Variants in THBS2 observed in about 807,000 individuals in gnomAD.
The protein encoded by THBS2 is thrombospondin 2.
In THBS2, 47 loss-of-function variants were observed where a neutral mutation model predicts 135.2. The observed-to-expected ratio is 0.35, with a 90% confidence interval of 0.28 to 0.44. The LOEUF is 0.44. THBS2 is among the 20% of genes least tolerant of loss of function. The pLI is 1.00. For missense variants in THBS2, 1,288 were observed against 1,603.1 expected, an observed-to-expected ratio of 0.80 and a Z score of 3.36; for synonymous variants, 639 against 633.8, an observed-to-expected ratio of 1.01 and a Z score of -0.12.
At chr6:169,239,065 C>A in intron 7 of THBS2, among the ~76,000 whole-genome samples, 1 of 152,310 alleles carries the variant, frequency 6.6e-6, no homozygotes, top group South Asian at 2.1e-4. Flanking sequence ...TGAACGTGCA[C>A]TGAGTTTCCA....
Position 169,250,810 on chromosome 6 carries a change from G to A in THBS2, c.-22-4C>T. ...CCTGCCTCCTGCAGCTGAGCTCCTGGGAATACAGGAAACCCTTGTTAGTGA... is the reference window on the plus strand; with the variant it reads ...CCTGCCTCCTGCAGCTGAGCTCCTGAGAATACAGGAAACCCTTGTTAGTGA... On this transcript the variant is annotated splice_polypyrimidine_tract_variant and splice_region_variant and intron_variant, in intron 1 of 21. Transcript: ENST00000617924. The A allele has an allele frequency of 6.2e-7, 1 of 1,608,562 alleles. No individual in the cohort carries two copies. The highest frequency in any genetic ancestry group is 8.5e-7 in the Non-Finnish European group (1 of 1,177,026).
rs1413231703 is a variant in THBS2, at chr6:169,239,582, C to T, written c.1129+17G>A. On this transcript the variant is annotated intron_variant, in intron 7 of 21. Transcript: ENST00000617924. Reference sequence around the variant, plus strand: ...TCCTAAAAATGCAGGATGCGCTTGCCGGCTGGCGATACTCACAGTGGAGGC... The same window carrying T: ...TCCTAAAAATGCAGGATGCGCTTGCTGGCTGGCGATACTCACAGTGGAGGC... 5.7e-6 allele frequency: 9 copies of T among 1,582,212 alleles called. No homozygotes were observed. The highest frequency in any genetic ancestry group is 2.7e-5 in the African/African-American group (2 of 74,496).
chr6:169,218,646 GGGTGAA>G, intron 21 of THBS2, among the ~76,000 whole-genome samples: 2 of 96,142 alleles, frequency 2.1e-5, no homozygotes, highest in African/African-American at 7.6e-5. Context: ...ATGGATGGTT[GGGTGAA>G]TGGATGAGAT....
At chr6:169,242,953 C>T (rs1366785153) in intron 4 of THBS2, among the ~76,000 whole-genome samples, 1 of 137,062 alleles carries the variant, frequency 7.3e-6, no homozygotes, top group Non-Finnish European at 1.6e-5. Flanking sequence ...CCCACCTTCC[C>T]ACCTTCCCAC....
intron 4 of THBS2, among the ~76,000 whole-genome samples, chr6:169,244,313 A>AACACACAC (rs35075375): frequency 0.016 from 2,315 of 147,288 alleles, 36 homozygotes; most frequent in African/African-American, 0.042. Flanking sequence ...GTATGCTGGT[A>AACACACAC]ACACACACAC....
rs1330362697 is a variant in THBS2 at position 169,236,055 on chromosome 6, A to C, written c.1477+1115T>G. On this transcript the variant is annotated intron_variant, in intron 9 of 21. Transcript: ENST00000617924. ...CCACACTCCCTCCCCATCCACACTC[A>C]CTCCCCATCCACACTCACCATCCAC... is the stretch of plus-strand genomic sequence containing the variant. Among the ~76,000 whole-genome samples, 26 of 48,482 alleles carry C rather than the reference A, an allele frequency of 5.4e-4. 1 individual carries two copies. Among genetic ancestry groups the C allele is most frequent in the African/African-American group, 7.7e-4 (8 of 10,334 alleles). 31.8% of individuals were successfully genotyped at this position (48,482 alleles called of 152,430 possible). A position where few individuals can be genotyped will look rare whatever the true frequency, so the allele number is the denominator to read the frequency against.
chr6:169,222,492 C>T lies in THBS2; in HGVS notation c.3002-24G>A, dbSNP rs778989558. On this transcript the variant is annotated intron_variant, in intron 18 of 21. Coordinates refer to ENST00000617924, the MANE Select transcript of THBS2 (RefSeq NM_003247.5). ...ACCTGGATGCAACGCCATAAGGTTTCGTTAGAAACACCTTTCAGGTGGCCG... is the reference window on the plus strand; with the variant it reads ...ACCTGGATGCAACGCCATAAGGTTTTGTTAGAAACACCTTTCAGGTGGCCG... 24 of 1,602,346 alleles carry T rather than the reference C, an allele frequency of 1.5e-5. No individual in the cohort carries two copies. In the East Asian group the frequency reaches 4.0e-4, roughly 27 times the overall value.
Position 169,232,663 on chromosome 6 carries a change from C to A in THBS2, c.1932+1G>T. The A allele has an allele frequency of 6.3e-7, 1 of 1,598,142 alleles. No homozygotes were observed. Among genetic ancestry groups the A allele is most frequent in the South Asian group, 1.1e-5 (1 of 88,968 alleles). On this transcript the variant is annotated splice_donor_variant, in intron 12 of 21. Coordinates refer to ENST00000617924, the MANE Select transcript of THBS2 (RefSeq NM_003247.5). LOFTEE classifies it high-confidence loss of function. ...ACACAAGGAAGGCCGGCCTTGCGTA[C>A]TTGCTTTTCCGTCTTGGCTGCTTCC...
chr6:169,235,330 C>T (rs963760902), intron 9 of THBS2, among the ~76,000 whole-genome samples: 3 of 152,014 alleles, frequency 2.0e-5, no homozygotes, highest in African/African-American at 7.3e-5. Context: ...CCCCACACCA[C>T]CATTTACACC....
chr6:169,242,816 A>C (rs367600230), intron 4 of THBS2, among the ~76,000 whole-genome samples: 77 of 14,504 alleles, frequency 5.3e-3, no homozygotes, highest in Admixed American at 7.3e-3. Context: ...CCTTCCCACC[A>C]CTCCCACCTT....
intron 7 of THBS2, among the ~76,000 whole-genome samples, chr6:169,238,885 A>G (rs1780197397): frequency 6.6e-6 from 1 of 152,128 alleles, no homozygotes; most frequent in South Asian, 2.1e-4. Context: ...GTGCAGCAGC[A>G]ACTTGGGGTG....
At chr6:169,240,045 G>C (rs1383702152) in intron 6 of THBS2, among the ~76,000 whole-genome samples, 1 of 152,210 alleles carries the variant, frequency 6.6e-6, no homozygotes, top group African/African-American at 2.4e-5. Flanking sequence ...AGCAGAAATA[G>C]AGTAACATTA....
rs1031346834 is a variant in THBS2 at position 169,237,207 on chromosome 6, G to A, written c.1440C>T (p.Gly480=). 1.2e-6 allele frequency: 2 copies of A among 1,611,850 alleles called. No individual in the cohort carries two copies. Among genetic ancestry groups the A allele is most frequent in the Admixed American group, 3.3e-5 (2 of 60,022 alleles). The change falls in exon 9 of 22, where the codon GGC becomes GGT. Residue 480 remains glycine (G), a synonymous_variant. Transcript: ENST00000617924. ...QMGGKNCKGS[G]RETKACQGAP... The stretch of plus-strand genomic sequence containing the variant: ...CGCCCTGGCAGGCTTTGGTCTCCCG[G>A]CCACTCCCTTTGCAATTCTTGCCCC...
chr6:169,248,999 G>A (rs775438414), intron 2 of THBS2, 26 bp from the exon 3 acceptor site: 1 of 1,570,078 alleles, frequency 6.4e-7, no homozygotes, highest in South Asian at 1.2e-5. Flanking sequence ...CAGTGGAGAA[G>A]GGTGACGTAG....
chr6:169,218,500 G>A (rs1311082861), intron 21 of THBS2, among the ~76,000 whole-genome samples: 9 of 146,978 alleles, frequency 6.1e-5, no homozygotes, highest in Non-Finnish European at 9.0e-5. Flanking sequence ...ATGGATGGGT[G>A]GATGGATGGA....
At chr6:169,245,997 C>A in intron 4 of THBS2, 200 bp downstream of exon 4, 2 of 428,134 alleles carry the variant, frequency 4.7e-6, no homozygotes, top group Non-Finnish European at 8.4e-6. Flanking sequence ...ACTGTTTAAT[C>A]AATTTATTAT....
rs1779163266 is a variant in THBS2, at chr6:169,216,148, G to A, written c.*1674C>T. On this transcript the variant is annotated 3_prime_UTR_variant, in exon 22 of 22. Coordinates refer to ENST00000617924, the MANE Select transcript of THBS2 (RefSeq NM_003247.5). ...GGAATACAGCTCCACACGCAAAAAA[G>A]TAAAAAGTGCAGCAAAACAACAACA... 6.8e-6 allele frequency: 1 copy of A among 147,860 alleles called. No individual in the cohort carries two copies. Among genetic ancestry groups the A allele is most frequent in the Non-Finnish European group, 1.5e-5 (1 of 66,820 alleles). The allele number at this position is 147,860 out of a possible 1,614,324, so 9.2% of individuals were successfully genotyped here.
intron 1 of THBS2, 67 bp from the exon 2 acceptor site, chr6:169,250,873 G>A (rs537962491): frequency 2.9e-5 from 32 of 1,108,646 alleles, no homozygotes; most frequent in African/African-American, 9.3e-5. Context: ...GAGCGAGACT[G>A]GCCCAGTGAC....
chr6:169,225,526 CACTG>C, intron 16 of THBS2, 147 bp from the exon 17 acceptor site: 3 of 748,774 alleles, frequency 4.0e-6, no homozygotes, highest in African/African-American at 1.7e-5. Context: ...CCCGAGGTCA[CACTG>C]ACCCTGACGT....
Sources: gnomAD v4.1 joint callset for allele counts (sites outside exome capture counted in the v4.1 genomes callset) on GRCh38, gnomAD v4.1.1 for gene constraint, MANE v1.5 for transcripts, NCBI Gene and HGNC (gene_info 2026-07-23, HGNC 2026-07-21) for gene names.